Variants in FLT1 observed in about 807,000 individuals in gnomAD.
The protein encoded by FLT1 is fms related receptor tyrosine kinase 1.
FLT1 carries 49 observed loss-of-function variants against 156.3 expected under a neutral mutation model. The ratio of observed to expected loss-of-function variants is 0.31; its 90% confidence interval spans 0.25 to 0.40. The LOEUF (loss-of-function observed/expected upper bound fraction) is 0.40. Among genes scored for constraint, FLT1 ranks in the 10% least tolerant of loss-of-function variants. The pLI is 1.00. For synonymous variants in FLT1, 594 were observed against 583.8 expected, an observed-to-expected ratio of 1.02 and a Z score of -0.25; for missense variants, 1,322 against 1,637.2, an observed-to-expected ratio of 0.81 and a Z score of 3.32.
chr13:28,464,801 TAGGAGTTAA>T (rs1309556458), intron 3 of FLT1, among the ~76,000 whole-genome samples: 1 of 152,228 alleles, frequency 6.6e-6, no homozygotes, highest in Admixed American at 6.5e-5. Context: ...TTGAATAGTT[TAGGAGTTAA>T]AGGTGAAAAT....
chr13:28,486,659 C>G (rs912343534), intron 1 of FLT1, among the ~76,000 whole-genome samples: 1 of 152,234 alleles, frequency 6.6e-6, no homozygotes, highest in Non-Finnish European at 1.5e-5. Flanking sequence ...GTACCTCACT[C>G]GGCAAAACAG....
intron 1 of FLT1, among the ~76,000 whole-genome samples, chr13:28,472,915 C>A (rs1362920262): frequency 6.6e-6 from 1 of 152,088 alleles, no homozygotes; most frequent in East Asian, 1.9e-4. Context: ...AAAAAGACAA[C>A]AGCCTAATTT....
intron 14 of FLT1, among the ~76,000 whole-genome samples, chr13:28,358,238 TC>T (rs1222357630): frequency 6.6e-6 from 1 of 152,198 alleles, no homozygotes; most frequent in African/African-American, 2.4e-5. Context: ...GACATATGGG[TC>T]AAAGGAACTA....
intron 3 of FLT1, among the ~76,000 whole-genome samples, chr13:28,465,085 T>TCCA (rs1263606170): frequency 6.6e-6 from 1 of 152,202 alleles, no homozygotes; most frequent in African/African-American, 2.4e-5. Flanking sequence ...CATGGCTTTT[T>TCCA]CCACCACTAT....
Position 28,438,271 on chromosome 13 carries a change from C to T in FLT1, c.463G>A (p.Val155Ile), listed in dbSNP as rs116196813. The change falls in exon 4 of 30, where the codon GTC (valine) becomes ATC (isoleucine). Residue 155 changes from valine (V) to isoleucine (I), a missense_variant. Val to Ile is a conservative substitution (Grantham distance 29). Coordinates refer to ENST00000282397, the MANE Select transcript of FLT1 (RefSeq NM_002019.4). ...IIHMTEGREL[V>I]IPCRVTSPNI... is the part of the protein sequence containing the mutation. ...GGTGACGTAACCCGGCAGGGAATGA[C>T]GAGCTCCCTTCCTTCAGTCATGTGT... 315 of 1,613,498 alleles carry T rather than the reference C, an allele frequency of 2.0e-4. 1 individual carries two copies. Among genetic ancestry groups the T allele is most frequent in the South Asian group, 8.7e-4 (79 of 91,070 alleles).
Position 28,308,064 on chromosome 13 carries a change from G to A in FLT1, c.3720+779C>T, listed in dbSNP as rs116202142. 5.5e-3 allele frequency among the ~76,000 whole-genome samples: 845 copies of A among 152,266 alleles called. 6 individuals are homozygous for A. Among genetic ancestry groups the A allele is most frequent in the African/African-American group, 0.02 (813 of 41,574 alleles). ...TGGGATTACAGGCTTGAGCCACTGC[G>A]CCCGGCCTCACCAGCACTTCTTAAA... On this transcript the variant is annotated intron_variant, in intron 28 of 29. Transcript: ENST00000282397.
intron 25 of FLT1, among the ~76,000 whole-genome samples, chr13:28,312,961 T>C (rs1424957502): frequency 8.0e-6 from 1 of 124,624 alleles, no homozygotes; most frequent in Non-Finnish European, 1.6e-5. Flanking sequence ...ATTTTATTTT[T>C]ATTTTTATTT....
chr13:28,379,477 G>A (rs1294882480), intron 14 of FLT1, among the ~76,000 whole-genome samples: 1 of 152,202 alleles, frequency 6.6e-6, no homozygotes, highest in Non-Finnish European at 1.5e-5. Context: ...AAGTGAGGAA[G>A]AGTGGTGTCA....
At chr13:28,429,182 A>G (rs1315865008) in intron 8 of FLT1, among the ~76,000 whole-genome samples, 1 of 152,206 alleles carries the variant, frequency 6.6e-6, no homozygotes, top group Non-Finnish European at 1.5e-5. Flanking sequence ...GCATGAAGAC[A>G]TAGCACAAAG....
chr13:28,320,083 C>T (rs1203157252), intron 23 of FLT1, among the ~76,000 whole-genome samples: 1 of 152,174 alleles, frequency 6.6e-6, no homozygotes, highest in African/African-American at 2.4e-5. Context: ...GTAGACAAAT[C>T]TTCCTCTCTT....
chr13:28,365,438 T>C (rs1346112802), intron 14 of FLT1, among the ~76,000 whole-genome samples: 2 of 152,014 alleles, frequency 1.3e-5, no homozygotes, highest in South Asian at 2.1e-4. Context: ...CTGCAACCTC[T>C]GCTCCCGGAC....
At chr13:28,454,281 G>C (rs1398358125) in intron 3 of FLT1, among the ~76,000 whole-genome samples, 1 of 152,112 alleles carries the variant, frequency 6.6e-6, no homozygotes, top group Non-Finnish European at 1.5e-5. Flanking sequence ...ATTGTCTCAT[G>C]TAGTCTCCTA....
intron 20 of FLT1, among the ~76,000 whole-genome samples, chr13:28,325,346 T>C (rs1871632551): frequency 6.6e-6 from 1 of 152,106 alleles, no homozygotes; most frequent in Non-Finnish European, 1.5e-5. Context: ...CCTCATTTAG[T>C]GTGGTGCACA....
intron 19 of FLT1, among the ~76,000 whole-genome samples, chr13:28,328,095 T>C (rs1871770095): frequency 6.6e-6 from 1 of 152,228 alleles, no homozygotes. Context: ...TTTTAGGCTT[T>C]GCAGATCAAG....
At chr13:28,346,775 G>A (rs1340652202) in intron 15 of FLT1, among the ~76,000 whole-genome samples, 1 of 152,196 alleles carries the variant, frequency 6.6e-6, no homozygotes, top group Non-Finnish European at 1.5e-5. Context: ...GTGGGCAAAG[G>A]ACAAGTGAAA....
At chr13:28,316,474 C>T (rs142899976) in intron 25 of FLT1, among the ~76,000 whole-genome samples, 1 of 152,354 alleles carries the variant, frequency 6.6e-6, no homozygotes, top group Admixed American at 6.5e-5. Flanking sequence ...CACATTCCTG[C>T]TCAGGCCTCA....
At chr13:28,452,939 A>G (rs1306837843) in intron 3 of FLT1, among the ~76,000 whole-genome samples, 1 of 134,984 alleles carries the variant, frequency 7.4e-6, no homozygotes, top group East Asian at 2.4e-4. Flanking sequence ...TAAACTAAAC[A>G]GCAAGTCTGG....
At chr13:28,490,769 A>G (rs1173488336) in intron 1 of FLT1, among the ~76,000 whole-genome samples, 1 of 152,224 alleles carries the variant, frequency 6.6e-6, no homozygotes, top group Non-Finnish European at 1.5e-5. Flanking sequence ...CTTAAAAAAA[A>G]GTCTGGTATG....
In FLT1 at chr13:28,315,643, G is replaced by T. The variant is rs146974873; in HGVS notation, c.3386+1855C>A. Among the ~76,000 whole-genome samples the T allele has an allele frequency of 9.4e-3, 1,437 of 152,172 alleles. 19 individuals are homozygous for T. The highest frequency in any genetic ancestry group is 0.033 in the African/African-American group (1,354 of 41,502). On this transcript the variant is annotated intron_variant, in intron 25 of 29. Coordinates refer to ENST00000282397, the MANE Select transcript of FLT1 (RefSeq NM_002019.4). ...TAAAAATAAAACTTAATTTCATACT[G>T]TTTTGCATTTATTTTGATGTAAAAA...
Sources: gnomAD v4.1 joint callset for allele counts (sites outside exome capture counted in the v4.1 genomes callset) on GRCh38, gnomAD v4.1.1 for gene constraint, MANE v1.5 for transcripts, NCBI Gene and HGNC (gene_info 2026-07-23, HGNC 2026-07-21) for gene names.